Variants in CACNA2D1 observed in about 807,000 individuals in gnomAD.
CACNA2D1 encodes voltage-dependent calcium channel subunit alpha-2/delta-1.
In CACNA2D1, 53 loss-of-function variants were observed where a neutral mutation model predicts 171.5. The observed-to-expected ratio is 0.31, with a 90% CI of 0.25 to 0.39. The LOEUF (loss-of-function observed/expected upper bound fraction) is 0.39. Ranked by LOEUF, CACNA2D1 falls within the 10% of genes least tolerant of loss-of-function variation. The pLI is 1.00. For missense variants in CACNA2D1, 903 were observed against 1,299.8 expected (o/e 0.69, Z 4.69); for synonymous variants, 442 against 443.1 (o/e 1.00, Z 0.03).
intron 6 of CACNA2D1, among the ~76,000 whole-genome samples, chr7:82,107,251 G>A (rs1238751995): frequency 6.6e-6 from 1 of 152,124 alleles, no homozygotes; most frequent in Non-Finnish European, 1.5e-5. Context: ...GCCATGGAAG[G>A]AATGGACAGG....
intron 1 of CACNA2D1, among the ~76,000 whole-genome samples, chr7:82,407,427 CTGT>C (rs374565305): frequency 2.6e-5 from 4 of 152,244 alleles, no homozygotes; most frequent in African/African-American, 7.2e-5. Context: ...AAGACTACTA[CTGT>C]TATTTATTAA....
At position 82,311,996 on chromosome 7, in the gene CACNA2D1, A is replaced by T. The variant is rs577728598; in HGVS notation, c.294+23139T>A. On this transcript the variant is annotated intron_variant, in intron 3 of 38. Coordinates refer to ENST00000356860, the MANE Select transcript of CACNA2D1 (RefSeq NM_000722.4). The stretch of plus-strand genomic sequence containing the variant: ...GAAGAAAGAAATTTACTCAATTCAG[A>T]CTGGTATTATAGACACAGTCTTTGG... Among the ~76,000 whole-genome samples the T allele has an allele frequency of 2.0e-5, 3 of 152,294 alleles. No individual in the cohort carries two copies. The East Asian group carries it at 5.8e-4, about 29-fold the overall frequency.
chr7:82,421,774 A>G (rs969502180), intron 1 of CACNA2D1, among the ~76,000 whole-genome samples: 2 of 152,126 alleles, frequency 1.3e-5, no homozygotes, highest in African/African-American at 4.8e-5. Context: ...TCACCATCTC[A>G]TTGCAAATGA....
At chr7:82,046,437 A>AT (rs1804569077) in intron 10 of CACNA2D1, among the ~76,000 whole-genome samples, 1 of 152,156 alleles carries the variant, frequency 6.6e-6, no homozygotes, top group Non-Finnish European at 1.5e-5. Context: ...GGTCCATTGT[A>AT]TAAAAAAAGA....
intron 10 of CACNA2D1, among the ~76,000 whole-genome samples, chr7:82,049,482 TACA>T (rs1347327864): frequency 6.6e-6 from 1 of 152,174 alleles, no homozygotes; most frequent in East Asian, 1.9e-4. Flanking sequence ...CATGATTATT[TACA>T]ACAAGCCCCA....
chr7:82,175,238 C>T (rs1367237794), intron 3 of CACNA2D1, among the ~76,000 whole-genome samples: 1 of 151,940 alleles, frequency 6.6e-6, no homozygotes, highest in Non-Finnish European at 1.5e-5. Flanking sequence ...TGTTGGTACT[C>T]TTGTTTATAT....
rs563719835 is a variant in CACNA2D1 at position 82,263,081 on chromosome 7, C to T, written c.294+72054G>A. Reference sequence around the variant, plus strand: ...GTCTTTGAGGCTTCATTTATGAAGGCTCCTATGTCACATAACACCACTTTT... The same window carrying T: ...GTCTTTGAGGCTTCATTTATGAAGGTTCCTATGTCACATAACACCACTTTT... On this transcript the variant is annotated intron_variant, in intron 3 of 38. Transcript: ENST00000356860. Among the ~76,000 whole-genome samples the T allele has an allele frequency of 4.0e-5, 6 of 148,402 alleles. No individual in the cohort carries two copies. The Admixed American group carries it at 4.1e-4, about 10-fold the overall frequency.
intron 6 of CACNA2D1, among the ~76,000 whole-genome samples, chr7:82,102,949 A>G (rs1040340396): frequency 1.3e-5 from 2 of 152,344 alleles, no homozygotes; most frequent in Admixed American, 1.3e-4. Context: ...TAACTTCATT[A>G]CAGACATAAC....
At chr7:82,134,589 T>C (rs192801009) in intron 5 of CACNA2D1, among the ~76,000 whole-genome samples, 9 of 152,298 alleles carry the variant, frequency 5.9e-5, no homozygotes, top group African/African-American at 1.7e-4. Context: ...TTACTATTTA[T>C]AAGGCTTTAA....
intron 34 of CACNA2D1, among the ~76,000 whole-genome samples, chr7:81,962,986 TA>T (rs1794323645): frequency 6.6e-6 from 1 of 151,944 alleles, no homozygotes; most frequent in Non-Finnish European, 1.5e-5. Flanking sequence ...TGAAACAAAA[TA>T]TACATATTAG....
At chr7:82,348,208 A>G (rs559864656) in intron 2 of CACNA2D1, among the ~76,000 whole-genome samples, 4 of 152,100 alleles carry the variant, frequency 2.6e-5, no homozygotes, top group African/African-American at 9.6e-5. Context: ...ATGAAAATTA[A>G]CAAAGAAGAT....
rs1195730824 is a variant in CACNA2D1 at position 82,150,270 on chromosome 7, CAA to C, written c.355-13596_355-13595del. Among the ~76,000 whole-genome samples, 102 of 74,352 alleles carry C rather than the reference CAA, an allele frequency of 1.4e-3. 3 individuals are homozygous for C. The highest frequency in any genetic ancestry group is 7.4e-3 in the African/African-American group (99 of 13,380). The allele number at this position is 74,352 out of a possible 152,430, so 48.8% of individuals were successfully genotyped here. On this transcript the variant is annotated intron_variant, in intron 4 of 38. Transcript: ENST00000356860. ...TTTAGATCAAATTAAAAAAAAAAAA[CAA>C]AAACAACAACAAAAAAAAACACCCT...
chr7:82,268,638 C>A (rs769846590), intron 3 of CACNA2D1, among the ~76,000 whole-genome samples: 2 of 150,912 alleles, frequency 1.3e-5, no homozygotes, highest in Non-Finnish European at 2.9e-5. Context: ...ATTATTTGGG[C>A]TATGTGGAGC....
chr7:82,360,771 C>T (rs1017040441), intron 1 of CACNA2D1, among the ~76,000 whole-genome samples: 3 of 152,088 alleles, frequency 2.0e-5, no homozygotes, highest in African/African-American at 7.2e-5. Context: ...AAAACCAGGA[C>T]CCAAATTGAC....
At chr7:82,256,362 G>A (rs1443218368) in intron 3 of CACNA2D1, among the ~76,000 whole-genome samples, 1 of 152,136 alleles carries the variant, frequency 6.6e-6, no homozygotes, top group African/African-American at 2.4e-5. Context: ...CCAAGTTCTT[G>A]TGGAATGATT....
chr7:82,001,792 C>A, intron 18 of CACNA2D1: 1 of 451,916 alleles, frequency 2.2e-6, no homozygotes, highest in Non-Finnish European at 3.8e-6. Context: ...AATCAATTTT[C>A]GTCAGATATT....
At chr7:82,170,203 G>C (rs1485274127) in intron 4 of CACNA2D1, among the ~76,000 whole-genome samples, 1 of 151,746 alleles carries the variant, frequency 6.6e-6, no homozygotes, top group East Asian at 1.9e-4. Flanking sequence ...TTTCCAACTT[G>C]TATATTCATA....
At chr7:82,358,372 T>C (rs889073351) in intron 1 of CACNA2D1, among the ~76,000 whole-genome samples, 1 of 152,220 alleles carries the variant, frequency 6.6e-6, no homozygotes, top group Non-Finnish European at 1.5e-5. Context: ...GTGCTTGTTA[T>C]CTACATTAAA....
At chr7:82,256,075 G>A (rs973888826) in intron 3 of CACNA2D1, among the ~76,000 whole-genome samples, 1 of 152,116 alleles carries the variant, frequency 6.6e-6, no homozygotes, top group Non-Finnish European at 1.5e-5. Flanking sequence ...TCAGGAGTTC[G>A]AGACTAGCCT....
Sources: allele counts gnomAD v4.1 joint callset (sites outside exome capture counted in the v4.1 genomes callset), GRCh38; gene constraint gnomAD v4.1.1; transcripts MANE v1.5; gene names NCBI Gene and HGNC (gene_info 2026-07-23, HGNC 2026-07-21).